MAP2: variants seen among roughly 807,000 people sequenced by gnomAD.
The protein encoded by MAP2 is microtubule associated protein 2, also known as microtubule-associated protein 2.
A neutral mutation model predicts 137.6 loss-of-function variants in MAP2; 14 were observed. The ratio of observed to expected loss-of-function variants is 0.10; its 90% CI spans 0.07 to 0.16. The LOEUF (loss-of-function observed/expected upper bound fraction) is 0.16, where lower values mean the gene tolerates loss of function less well. Among genes scored for constraint, MAP2 ranks in the 10% least tolerant of loss-of-function variants. MAP2 has a pLI of 1.00. For missense variants in MAP2, 2,088 were observed against 2,191.5 expected, an observed-to-expected ratio of 0.95 and a Z score of 0.94; for synonymous variants, 786 against 782.3, an observed-to-expected ratio of 1.00 and a Z score of -0.08.
rs755242543 is a variant in MAP2 at position 209,695,932 on chromosome 2, C to A, written c.3762C>A (p.Thr1254=). 1.9e-6 allele frequency: 3 copies of A among 1,613,964 alleles called. No individual in the cohort carries two copies. The highest frequency in any genetic ancestry group is 1.3e-5 in the African/African-American group (1 of 75,012). Residue 1254 remains threonine (T), a synonymous_variant, in exon 8 of 16, where the codon ACC becomes ACA. Coordinates refer to ENST00000682079, the MANE Select transcript of MAP2 (RefSeq NM_001375505.1). The part of the protein sequence containing the change: ...EYDKLLFRSD[T]LQITDLGVSG... ...ATAAACTGCTCTTCCGCTCAGACAC[C>A]CTTCAGATAACTGACCTGGGTGTCT...
intron 3 of MAP2, among the ~76,000 whole-genome samples, chr2:209,598,599 TCCCCCAC>T (rs1486335298): frequency 3.8e-5 from 3 of 79,494 alleles, no homozygotes; most frequent in African/African-American, 1.5e-4. Context: ...CCCTCCCCCC[TCCCCCAC>T]CCCACAACAG....
intron 5 of MAP2, among the ~76,000 whole-genome samples, chr2:209,665,681 G>A (rs540187525): frequency 7.9e-5 from 12 of 152,192 alleles, no homozygotes; most frequent in Admixed American, 2.6e-4. Context: ...TCATCTTTGA[G>A]TGCATAAAAT....
chr2:209,664,695 A>T (rs888848426), intron 5 of MAP2, among the ~76,000 whole-genome samples: 1 of 152,054 alleles, frequency 6.6e-6, no homozygotes, highest in Non-Finnish European at 1.5e-5. Flanking sequence ...ACCGTGGCTC[A>T]TGCCTCTATC....
chr2:209,433,832 A>G (rs1574691722), intron 1 of MAP2, among the ~76,000 whole-genome samples: 1 of 151,724 alleles, frequency 6.6e-6, no homozygotes, highest in South Asian at 2.1e-4. Context: ...GTCTCTTTGT[A>G]CCCCAAACCA....
chr2:209,702,314 C>G (rs960608512), intron 11 of MAP2, among the ~76,000 whole-genome samples: 3 of 151,950 alleles, frequency 2.0e-5, no homozygotes, highest in Non-Finnish European at 4.4e-5. Flanking sequence ...ATTAGCCCTT[C>G]ATTCTTTCTT....
At chr2:209,674,049 G>A (rs1472969286) in intron 5 of MAP2, among the ~76,000 whole-genome samples, 1 of 151,740 alleles carries the variant, frequency 6.6e-6, no homozygotes, top group Non-Finnish European at 1.5e-5. Context: ...GAAACTGGGT[G>A]TGAAGCCAGA....
chr2:209,631,743 CT>C (rs1447611184), intron 4 of MAP2, among the ~76,000 whole-genome samples: 1 of 152,100 alleles, frequency 6.6e-6, no homozygotes, highest in Admixed American at 6.6e-5. Context: ...AAGCAAAGAT[CT>C]TTCTATTTAC....
intron 3 of MAP2, among the ~76,000 whole-genome samples, chr2:209,583,409 A>G (rs2076980135): frequency 1.3e-5 from 2 of 152,092 alleles, no homozygotes; most frequent in Non-Finnish European, 2.9e-5. Flanking sequence ...TGCATAATCT[A>G]TATAAGAAAA....
chr2:209,671,843 C>T lies in MAP2; in HGVS notation c.263-6729C>T, dbSNP rs1236967238. ...GCACGTTCAAGTAATCATAGCTGGT[C>T]CTGCTGAAAAACCACAGGGTACGAA... On this transcript the variant is annotated intron_variant, in intron 5 of 15. Transcript: ENST00000682079. Among the ~76,000 whole-genome samples, 4 of 151,714 alleles carry T rather than the reference C, an allele frequency of 2.6e-5. No homozygotes were observed. In the East Asian group the frequency reaches 7.7e-4, roughly 29 times the overall value.
chr2:209,612,075 T>A (rs1168998101), intron 3 of MAP2, among the ~76,000 whole-genome samples: 1 of 152,186 alleles, frequency 6.6e-6, no homozygotes, highest in Admixed American at 6.5e-5. Context: ...CCAAGAGAGA[T>A]GGCTCTGTGA....
chr2:209,617,080 G>A (rs1333157600), intron 3 of MAP2, among the ~76,000 whole-genome samples: 1 of 152,208 alleles, frequency 6.6e-6, no homozygotes, highest in African/African-American at 2.4e-5. Flanking sequence ...ACAGTGTGGG[G>A]AGTCATAATG....
chr2:209,458,488 G>A (rs1474157438), intron 1 of MAP2, among the ~76,000 whole-genome samples: 1 of 152,100 alleles, frequency 6.6e-6, no homozygotes, highest in African/African-American at 2.4e-5. Context: ...ACCAAAATAT[G>A]GTCCATGCAA....
At chr2:209,568,333 T>C (rs2073845896) in intron 2 of MAP2, among the ~76,000 whole-genome samples, 2 of 151,996 alleles carry the variant, frequency 1.3e-5, no homozygotes, top group African/African-American at 4.8e-5. Context: ...ATTCCACTTA[T>C]GATATTGTAT....
intron 1 of MAP2, among the ~76,000 whole-genome samples, chr2:209,458,475 C>T (rs1001954275): frequency 6.6e-6 from 1 of 152,096 alleles, no homozygotes; most frequent in East Asian, 1.9e-4. Context: ...AAGATTAACA[C>T]CAACCAAAAT....
intron 1 of MAP2, among the ~76,000 whole-genome samples, chr2:209,478,749 A>C (rs796337985): frequency 3.3e-5 from 5 of 152,184 alleles, no homozygotes; most frequent in South Asian, 2.1e-4. Context: ...TATTTTGTTG[A>C]TATGTCTCCC....
chr2:209,645,321 A>T (rs745470485), intron 4 of MAP2, among the ~76,000 whole-genome samples: 8 of 152,224 alleles, frequency 5.3e-5, no homozygotes, highest in Admixed American at 1.3e-4. Context: ...ATAACCAACC[A>T]AAATATGTTA....
chr2:209,702,215 A>C (rs1048943559), intron 11 of MAP2, among the ~76,000 whole-genome samples: 4 of 152,058 alleles, frequency 2.6e-5, no homozygotes, highest in African/African-American at 9.7e-5. Flanking sequence ...ACTCGATAGA[A>C]TCAGCACTTG....
chr2:209,506,345 T>G (rs13005787), intron 1 of MAP2, among the ~76,000 whole-genome samples: 4,618 of 152,354 alleles, frequency 0.03, 89 homozygotes, highest in South Asian at 0.069. Flanking sequence ...TATTTTATAC[T>G]GTTCTTTTCA....
intron 3 of MAP2, among the ~76,000 whole-genome samples, chr2:209,603,796 A>G (rs937567035): frequency 1.3e-5 from 2 of 152,190 alleles, no homozygotes; most frequent in Non-Finnish European, 2.9e-5. Flanking sequence ...TCATCAGAGG[A>G]AAGAAACCAC....
Sources: gnomAD v4.1 joint callset for allele counts (sites outside exome capture counted in the v4.1 genomes callset) on GRCh38, gnomAD v4.1.1 for gene constraint, MANE v1.5 for transcripts, NCBI Gene and HGNC (gene_info 2026-07-23, HGNC 2026-07-21) for gene names.